Variants in ATRN observed in about 807,000 individuals in gnomAD.
ATRN encodes the protein attractin, also known as attractin-2.
Under a neutral mutation model 178.7 loss-of-function variants are expected in ATRN, and 54 were observed. The observed-to-expected ratio is 0.30, with a 90% CI of 0.24 to 0.38. ATRN has a LOEUF of 0.38. Ranked by LOEUF, ATRN falls within the 10% of genes least tolerant of loss-of-function variation. The probability of loss-of-function intolerance (pLI) is 1.00; values close to 1 mark genes in which losing one functional copy is unlikely to be tolerated. For missense variants in ATRN, 1,443 were observed against 1,815.1 expected (o/e 0.79, Z 3.73); for synonymous variants, 636 against 663.0 (o/e 0.96, Z 0.63).
intron 25 of ATRN, among the ~76,000 whole-genome samples, chr20:3,630,623 TCTA>T (rs770425320): frequency 2.6e-5 from 4 of 152,142 alleles, no homozygotes; most frequent in African/African-American, 7.2e-5. Flanking sequence ...ACCGGCCACT[TCTA>T]CTGGACATTC....
At chr20:3,538,945 G>A (rs1407712997) in intron 2 of ATRN, among the ~76,000 whole-genome samples, 5 of 152,128 alleles carry the variant, frequency 3.3e-5, no homozygotes, top group East Asian at 3.8e-4. Flanking sequence ...CGTCTGAAAC[G>A]TTTTTCCCAG....
chr20:3,560,796 G>A lies in ATRN; in HGVS notation c.1338G>A (p.Gly446=), dbSNP rs2085940975. 5.6e-6 allele frequency: 9 copies of A among 1,614,084 alleles called. No homozygotes were observed. Among genetic ancestry groups the A allele is most frequent in the Non-Finnish European group, 6.8e-6 (8 of 1,180,020 alleles). ...CAAAGGAGCAGTATGCAGTGGTTGGGCACTCTGCACACATTGTTACACTGA... is the reference window on the plus strand; with the variant it reads ...CAAAGGAGCAGTATGCAGTGGTTGGACACTCTGCACACATTGTTACACTGA... ...PKAKEQYAVV[G]HSAHIVTLKN... The change falls in exon 8 of 29, where the codon GGG becomes GGA. Residue 446 remains glycine, a synonymous_variant. Coordinates refer to ENST00000262919, the MANE Select transcript of ATRN (RefSeq NM_139321.3).
intron 14 of ATRN, 38 bp downstream of exon 14, chr20:3,577,035 A>G: frequency 2.5e-6 from 4 of 1,607,002 alleles, no homozygotes; most frequent in East Asian, 2.2e-5. Context: ...GTGTGGGTCC[A>G]TTACTTCAGC....
In ATRN at chr20:3,474,943, A is replaced by G. The variant is rs569886612; in HGVS notation, c.410+3426A>G. Among the ~76,000 whole-genome samples, 200 of 150,974 alleles carry G rather than the reference A, an allele frequency of 1.3e-3. 9 individuals carry two copies. The South Asian group carries it at 0.04, about 30-fold the overall frequency. ...GCTACTCGGGAGGCTGAGGCAGGAG[A>G]ATTGCTTGAACCCGGGAAGCGGAGG... On this transcript the variant is annotated intron_variant, in intron 1 of 28. Coordinates refer to ENST00000262919, the MANE Select transcript of ATRN (RefSeq NM_139321.3).
chr20:3,575,740 C>T (rs768713075), intron 12 of ATRN, 87 bp from the exon 13 acceptor site: 13 of 1,431,820 alleles, frequency 9.1e-6, no homozygotes, highest in Non-Finnish European at 1.1e-5. Flanking sequence ...ACTTCTTAAC[C>T]ATTGTTACGA....
intron 26 of ATRN, among the ~76,000 whole-genome samples, chr20:3,635,664 G>A (rs1024581621): frequency 6.6e-6 from 1 of 152,028 alleles, no homozygotes; most frequent in African/African-American, 2.4e-5. Context: ...CAACTCACAA[G>A]CACTCAGCAC....
intron 24 of ATRN, among the ~76,000 whole-genome samples, chr20:3,615,499 A>G (rs1484919611): frequency 1.3e-5 from 2 of 151,870 alleles, no homozygotes; most frequent in Admixed American, 1.3e-4. Flanking sequence ...ATATAGTTTG[A>G]AACAAAGAAA....
chr20:3,636,033 C>G (rs1360762982), intron 26 of ATRN, among the ~76,000 whole-genome samples: 4 of 152,166 alleles, frequency 2.6e-5, no homozygotes, highest in African/African-American at 9.7e-5. Flanking sequence ...GAGTGCTACT[C>G]TCTCCAAGAA....
chr20:3,531,668 A>G (rs1213531107), intron 1 of ATRN, among the ~76,000 whole-genome samples: 1 of 152,222 alleles, frequency 6.6e-6, no homozygotes, highest in African/African-American at 2.4e-5. Context: ...TAACCAAAAA[A>G]TAATTTAAGA....
At chr20:3,502,043 G>C (rs960056182) in intron 1 of ATRN, among the ~76,000 whole-genome samples, 8 of 152,112 alleles carry the variant, frequency 5.3e-5, no homozygotes, top group African/African-American at 1.9e-4. Flanking sequence ...TAGCTTTATT[G>C]TTTGCTAGAA....
chr20:3,624,697 C>A, intron 25 of ATRN, 125 bp downstream of exon 25: 1 of 784,230 alleles, frequency 1.3e-6, no homozygotes, highest in Non-Finnish European at 2.1e-6. Flanking sequence ...AAATTTACTT[C>A]ATATGTGTTC....
intron 24 of ATRN, among the ~76,000 whole-genome samples, chr20:3,608,466 C>T (rs2086709228): frequency 6.6e-6 from 1 of 152,150 alleles, no homozygotes; most frequent in African/African-American, 2.4e-5. Flanking sequence ...AAGAACCTGT[C>T]CTTTCCCTCA....
chr20:3,545,096 A>C (rs571314390), intron 3 of ATRN, among the ~76,000 whole-genome samples: 1 of 152,110 alleles, frequency 6.6e-6, no homozygotes, highest in East Asian at 1.9e-4. Flanking sequence ...CTTGGGCACA[A>C]TGGCTCACGC....
chr20:3,504,840 A>G (rs1271822277), intron 1 of ATRN, among the ~76,000 whole-genome samples: 1 of 152,026 alleles, frequency 6.6e-6, no homozygotes, highest in African/African-American at 2.4e-5. Flanking sequence ...AAATCAAGAC[A>G]AAGGACTTAA....
intron 25 of ATRN, among the ~76,000 whole-genome samples, chr20:3,625,338 A>G (rs2086929356): frequency 6.6e-6 from 1 of 152,198 alleles, no homozygotes; most frequent in Non-Finnish European, 1.5e-5. Context: ...ATACCATTGT[A>G]TCATAATGCA....
intron 24 of ATRN, among the ~76,000 whole-genome samples, chr20:3,605,413 C>G (rs2086664113): frequency 6.6e-6 from 1 of 152,138 alleles, no homozygotes; most frequent in South Asian, 2.1e-4. Context: ...GGGTGTATAT[C>G]CAAAAGAATA....
chr20:3,616,689 G>A (rs976730786), intron 24 of ATRN, among the ~76,000 whole-genome samples: 2 of 152,062 alleles, frequency 1.3e-5, no homozygotes, highest in South Asian at 2.1e-4. Context: ...GTTTTAGGCC[G>A]AAAAGTCACC....
chr20:3,623,871 T>C (rs1038377019), intron 24 of ATRN, among the ~76,000 whole-genome samples: 2 of 152,234 alleles, frequency 1.3e-5, no homozygotes, highest in Non-Finnish European at 2.9e-5. Context: ...TGACAGTGTT[T>C]TTCCTAAATT....
chr20:3,520,858 G>A (rs1427365997), intron 1 of ATRN, among the ~76,000 whole-genome samples: 2 of 152,104 alleles, frequency 1.3e-5, no homozygotes, highest in Non-Finnish European at 1.5e-5. Context: ...ATGTAAATAA[G>A]CAACAAACAA....
Sources: allele counts gnomAD v4.1 joint callset (sites outside exome capture counted in the v4.1 genomes callset), GRCh38; gene constraint gnomAD v4.1.1; transcripts MANE v1.5; gene names NCBI Gene and HGNC (gene_info 2026-07-23, HGNC 2026-07-21).